The following GBP7 variants were observed in gnomAD, a reference collection of about 807,000 sequenced individuals.
GBP7 encodes guanylate-binding protein 7.
In GBP7, 43 loss-of-function variants were observed where a neutral mutation model predicts 61.3. The ratio of observed to expected loss-of-function variants is 0.70; its 90% CI spans 0.55 to 0.91. The LOEUF (loss-of-function observed/expected upper bound fraction) is 0.91, where lower values mean the gene tolerates loss of function less well. Among genes scored for constraint, GBP7 ranks in the 40% least tolerant of loss-of-function variants. The probability of loss-of-function intolerance (pLI) is 0.00; values close to 1 mark genes in which losing one functional copy is unlikely to be tolerated. For synonymous variants in GBP7, 267 were observed against 271.0 expected, an observed-to-expected ratio of 0.99 and a Z score of 0.14; for missense variants, 717 against 740.5, an observed-to-expected ratio of 0.97 and a Z score of 0.37.
In GBP7 at chr1:89,132,081, T is replaced by C; in HGVS notation, c.*68A>G. On this transcript the variant is annotated 3_prime_UTR_variant, in exon 11 of 11. Transcript: ENST00000294671. Reference sequence around the variant, plus strand: ...TTTTTAATTTTAAACTTTTCTTAAATGAAACTGCAATAACACATATACTTT... The same window carrying C: ...TTTTTAATTTTAAACTTTTCTTAAACGAAACTGCAATAACACATATACTTT... The C allele has an allele frequency of 3.9e-6, 5 of 1,296,582 alleles. No individual in the cohort carries two copies. The highest frequency in any genetic ancestry group is 5.2e-6 in the Non-Finnish European group (5 of 957,542). 80.3% of individuals were successfully genotyped at this position (1,296,582 alleles called of 1,614,324 possible). A position where few individuals can be genotyped will look rare whatever the true frequency, so the allele number is the denominator to read the frequency against.
In GBP7 at chr1:89,147,485, G is replaced by A. The variant is rs866613564; in HGVS notation, c.1365+82C>T. ...TCAATTTTTGTCGATAAATGGTGCTGTGTTCTTAGATTTTCAGAAGAGGCA... is the reference window on the plus strand; with the variant it reads ...TCAATTTTTGTCGATAAATGGTGCTATGTTCTTAGATTTTCAGAAGAGGCA... On this transcript the variant is annotated intron_variant, in intron 8 of 10. Transcript: ENST00000294671. 9 of 1,060,086 alleles carry A rather than the reference G, an allele frequency of 8.5e-6. No homozygotes were observed. In the African/African-American group the frequency reaches 1.1e-4, roughly 13 times the overall value. 65.7% of individuals were successfully genotyped at this position (1,060,086 alleles called of 1,614,324 possible).
rs1647375249 is a variant in GBP7, at chr1:89,164,774, G to A, written c.275C>T (p.Thr92Ile). 1 of 1,613,972 alleles carries A rather than the reference G, an allele frequency of 6.2e-7. No individual in the cohort carries two copies. The highest frequency in any genetic ancestry group is 8.5e-7 in the Non-Finnish European group (1 of 1,179,884). ...CVPHPSKPNHTLILLDTEGLG... is the reference protein window; with the variant it reads ...CVPHPSKPNHILILLDTEGLG... ...GCCCTCCGTGTCCAGAAGGATCAGG[G>A]TGTGGTTTGGCTTGGAGGGGTGGGG... is the stretch of plus-strand genomic sequence containing the variant. Residue 92 changes from threonine (T) to isoleucine (I), a missense_variant, in exon 3 of 11, where the codon ACC (threonine) becomes ATC (isoleucine). By Grantham distance (89) the Thr-to-Ile change is moderately conservative. Coordinates refer to ENST00000294671, the MANE Select transcript of GBP7 (RefSeq NM_207398.3).
intron 8 of GBP7, among the ~76,000 whole-genome samples, chr1:89,146,753 C>T (rs754394252): frequency 1.3e-5 from 2 of 152,150 alleles, no homozygotes; most frequent in South Asian, 2.1e-4. Flanking sequence ...TATCACCTCA[C>T]ACAGAATGAT....
chr1:89,152,217 T>C (rs1312772115), intron 5 of GBP7, 51 bp downstream of exon 5: 3 of 1,555,150 alleles, frequency 1.9e-6, no homozygotes, highest in African/African-American at 1.4e-5. Flanking sequence ...TAGGTCCTAG[T>C]TGATCCCACC....
At chr1:89,155,542 G>A (rs1325279890) in intron 3 of GBP7, among the ~76,000 whole-genome samples, 4 of 152,148 alleles carry the variant, frequency 2.6e-5, no homozygotes, top group African/African-American at 7.2e-5. Context: ...AGCATGGCAC[G>A]AGAACTACGT....
intron 9 of GBP7, among the ~76,000 whole-genome samples, chr1:89,137,763 A>G (rs1285848717): frequency 6.6e-6 from 1 of 152,036 alleles, no homozygotes; most frequent in African/African-American, 2.4e-5. Flanking sequence ...CCCACTCTCA[A>G]CAACTCTTAT....
chr1:89,152,758 G>C lies in GBP7; in HGVS notation c.338C>G (p.Ser113Trp). ...AAGCACAGCCAGGGCAAAGATCCAC[G>C]AGTCACTCTTAGGGTCACTCTAGTG... Reference protein sequence around the residue: ...DMEKSDPKSDSWIFALAVLLS... With the variant: ...DMEKSDPKSDWWIFALAVLLS... Residue 113 changes from serine to tryptophan, a missense_variant, in exon 4 of 11, where the codon TCG (serine) becomes TGG (tryptophan). Coordinates refer to ENST00000294671, the MANE Select transcript of GBP7 (RefSeq NM_207398.3). 1 of 1,608,330 alleles carries C rather than the reference G, an allele frequency of 6.2e-7. No individual in the cohort carries two copies. Among genetic ancestry groups the C allele is most frequent in the Non-Finnish European group, 8.5e-7 (1 of 1,178,120 alleles).
chr1:89,171,069 C>T (rs1647584007), intron 2 of GBP7, among the ~76,000 whole-genome samples: 1 of 152,202 alleles, frequency 6.6e-6, no homozygotes, highest in Non-Finnish European at 1.5e-5. Context: ...TTTGTTATAG[C>T]ATGCATTTCC....
At chr1:89,160,563 T>G (rs1647227698) in intron 3 of GBP7, among the ~76,000 whole-genome samples, 2 of 152,134 alleles carry the variant, frequency 1.3e-5, no homozygotes, top group South Asian at 4.1e-4. Flanking sequence ...ATAATAATAG[T>G]ACATATTTCA....
Position 89,132,070 on chromosome 1 carries a change from CTT to C in GBP7, c.*77_*78del, listed in dbSNP as rs1681689176. The C allele has an allele frequency of 1.1e-5, 13 of 1,225,646 alleles. No individual in the cohort carries two copies. Among genetic ancestry groups the C allele is most frequent in the Non-Finnish European group, 1.3e-5 (12 of 901,348 alleles). 75.9% of individuals were successfully genotyped at this position (1,225,646 alleles called of 1,614,324 possible). ...TTGAAATTTGCTTTTTAATTTTAAACTTTTCTTAAATGAAACTGCAATAACAC... is the reference window on the plus strand; with the variant it reads ...TTGAAATTTGCTTTTTAATTTTAAACTTCTTAAATGAAACTGCAATAACAC... On this transcript the variant is annotated 3_prime_UTR_variant, in exon 11 of 11. Coordinates refer to ENST00000294671, the MANE Select transcript of GBP7 (RefSeq NM_207398.3).
At chr1:89,146,994 C>A (rs958758842) in intron 8 of GBP7, among the ~76,000 whole-genome samples, 7 of 152,164 alleles carry the variant, frequency 4.6e-5, no homozygotes, top group Non-Finnish European at 1.0e-4. Flanking sequence ...AATTTATTAG[C>A]CTCTCCATGC....
chr1:89,156,667 T>C (rs1682322280), intron 3 of GBP7, among the ~76,000 whole-genome samples: 1 of 152,172 alleles, frequency 6.6e-6, no homozygotes, highest in Non-Finnish European at 1.5e-5. Context: ...CTATCCTAAA[T>C]ATATATGCAC....
intron 3 of GBP7, among the ~76,000 whole-genome samples, chr1:89,156,110 A>G (rs1682310605): frequency 6.6e-6 from 1 of 152,238 alleles, no homozygotes; most frequent in African/African-American, 2.4e-5. Context: ...ACTAAGCTTC[A>G]TAAGTGAAGG....
intron 7 of GBP7, among the ~76,000 whole-genome samples, 153 bp downstream of exon 7, chr1:89,149,139 A>G (rs1188883081): frequency 6.6e-6 from 1 of 152,198 alleles, no homozygotes; most frequent in African/African-American, 2.4e-5. Flanking sequence ...TTTTAGAAAA[A>G]TAAAAAACTG....
intron 2 of GBP7, among the ~76,000 whole-genome samples, chr1:89,168,288 T>C (rs1485892345): frequency 6.6e-6 from 1 of 152,192 alleles, no homozygotes; most frequent in East Asian, 1.9e-4. Flanking sequence ...GGCTCTCCAG[T>C]CAACTAGGTC....
chr1:89,175,685 TAAC>T (rs1280763013), intron 1 of GBP7, among the ~76,000 whole-genome samples: 4 of 152,134 alleles, frequency 2.6e-5, no homozygotes, highest in Admixed American at 2.6e-4. Flanking sequence ...AGAAAAGAAA[TAAC>T]AATCTTAGAA....
intron 2 of GBP7, among the ~76,000 whole-genome samples, chr1:89,171,416 A>G (rs1226380732): frequency 6.6e-6 from 1 of 152,190 alleles, no homozygotes; most frequent in East Asian, 1.9e-4. Context: ...AGAATATCCA[A>G]TATGGATTGA....
At chr1:89,164,637 C>A in intron 3 of GBP7, 94 bp downstream of exon 3, 1 of 1,215,372 alleles carries the variant, frequency 8.2e-7, no homozygotes, top group African/African-American at 1.5e-5. Context: ...ATTTGTGATT[C>A]AGGAATAGGC....
chr1:89,139,439 A>G (rs1681883001), intron 9 of GBP7, among the ~76,000 whole-genome samples: 1 of 152,264 alleles, frequency 6.6e-6, no homozygotes, highest in Non-Finnish European at 1.5e-5. Context: ...GCCAAAATTG[A>G]CAAATGGGAT....
Sources: gnomAD v4.1 joint callset for allele counts (sites outside exome capture counted in the v4.1 genomes callset) on GRCh38, gnomAD v4.1.1 for gene constraint, MANE v1.5 for transcripts, NCBI Gene and HGNC (gene_info 2026-07-23, HGNC 2026-07-21) for gene names.